Variants in INTS12 observed in about 807,000 individuals in gnomAD.
INTS12 encodes the protein integrator complex subunit 12, also known as PHD finger protein 22.
INTS12 carries 13 observed loss-of-function variants against 41.6 expected under a neutral mutation model. That is an observed-to-expected ratio of 0.31 (90% CI 0.20 to 0.50). The LOEUF (loss-of-function observed/expected upper bound fraction) is 0.50. INTS12 is among the 20% of genes least tolerant of loss of function. INTS12 has a pLI of 0.98. For missense variants in INTS12, 432 were observed against 541.6 expected, an observed-to-expected ratio of 0.80 and a Z score of 2.01; for synonymous variants, 199 against 191.4, an observed-to-expected ratio of 1.04 and a Z score of -0.33.
chr4:105,693,454 A>C lies in INTS12; in HGVS notation c.342T>G (p.Ile114Met). 1.9e-6 allele frequency: 3 copies of C among 1,613,490 alleles called. No homozygotes were observed. Among genetic ancestry groups the C allele is most frequent in the Non-Finnish European group, 2.5e-6 (3 of 1,179,516 alleles). Reference sequence around the variant, plus strand: ...GTTTCTCCAATCTAGGTTTCTTTGGAATATCAACTCCTTCAGTGATGTCTG... The same window carrying C: ...GTTTCTCCAATCTAGGTTTCTTTGGCATATCAACTCCTTCAGTGATGTCTG... ...MKSDITEGVDIPKKPRLEKPE... is the reference protein window; with the variant it reads ...MKSDITEGVDMPKKPRLEKPE... The change falls in exon 5 of 8, where the codon ATT becomes ATG. Residue 114 changes from isoleucine to methionine, a missense_variant. This residue lies in a region of INTS12 where 168 missense variants were observed against 198.9 expected (regional missense o/e 0.84). Coordinates refer to ENST00000340139, the MANE Select transcript of INTS12 (RefSeq NM_020395.4).
Position 105,695,383 on chromosome 4 carries a change from T to C in INTS12, c.309+133A>G, listed in dbSNP as rs143350013. ...GTCAAAATCTATAGCTATCAATATA[T>C]ATTCACTGAGTGTTGATTATTATAT... is the stretch of plus-strand genomic sequence containing the variant. On this transcript the variant is annotated intron_variant, in intron 4 of 7. Coordinates refer to ENST00000340139, the MANE Select transcript of INTS12 (RefSeq NM_020395.4). 2.0e-4 allele frequency: 125 copies of C among 611,118 alleles called. No homozygotes were observed. In the African/African-American group the frequency reaches 2.4e-3, roughly 12 times the overall value. The allele number at this position is 611,118 out of a possible 1,614,324, so 37.9% of individuals were successfully genotyped here.
In INTS12 at chr4:105,699,870, T is replaced by G; in HGVS notation, c.136A>C (p.Ser46Arg). The G allele has an allele frequency of 2.0e-6, 3 of 1,538,184 alleles. No individual in the cohort carries two copies. In the African/African-American group the frequency reaches 4.1e-5, roughly 21 times the overall value. The change falls in exon 3 of 8, where the codon AGT (serine) becomes CGT (arginine). Residue 46 changes from serine (S) to arginine (R), a missense_variant. By Grantham distance (110) the Ser-to-Arg change is moderately radical. Transcript: ENST00000340139. ...AGTACCTTTTGAGATGGACGGTAAC[T>G]GGAATCAATGCCCCGAGCCAAAGAT... is the stretch of plus-strand genomic sequence containing the variant. ...DESLARGIDSSYRPSQKDVEP... is the reference protein window; with the variant it reads ...DESLARGIDSRYRPSQKDVEP...
At chr4:105,703,057 C>T in intron 2 of INTS12, 1 of 978,216 alleles carries the variant, frequency 1.0e-6, no homozygotes, top group Non-Finnish European at 1.2e-6. Context: ...TGGAGTTACA[C>T]CAAATCATGT....
chr4:105,699,579 G>C (rs1365177595), intron 3 of INTS12, among the ~76,000 whole-genome samples: 1 of 151,994 alleles, frequency 6.6e-6, no homozygotes, highest in Non-Finnish European at 1.5e-5. Context: ...TGATCACAAA[G>C]AATCGGAAAT....
intron 2 of INTS12, among the ~76,000 whole-genome samples, chr4:105,701,288 C>A (rs1732064063): frequency 1.4e-5 from 2 of 144,342 alleles, no homozygotes; most frequent in African/African-American, 2.6e-5. Flanking sequence ...TACCTGATAA[C>A]TACAAAATTA....
chr4:105,694,034 A>G (rs1731776540), intron 4 of INTS12, among the ~76,000 whole-genome samples: 1 of 152,196 alleles, frequency 6.6e-6, no homozygotes, highest in Admixed American at 6.5e-5. Flanking sequence ...ATATTCACTT[A>G]TAGGTATACA....
At chr4:105,692,436 A>T (rs1317177993) in intron 5 of INTS12, among the ~76,000 whole-genome samples, 2 of 148,618 alleles carry the variant, frequency 1.3e-5, no homozygotes, top group Admixed American at 1.4e-4. Flanking sequence ...GTGAGCCAAG[A>T]TCATGCCACT....
intron 1 of INTS12, among the ~76,000 whole-genome samples, chr4:105,704,995 T>C (rs961059928): frequency 1.3e-5 from 2 of 152,210 alleles, no homozygotes; most frequent in African/African-American, 4.8e-5. Context: ...TATCACTCAC[T>C]TGCTTAAAAT....
intron 2 of INTS12, among the ~76,000 whole-genome samples, chr4:105,702,286 C>T (rs1258738459): frequency 6.6e-6 from 1 of 151,664 alleles, no homozygotes; most frequent in Non-Finnish European, 1.5e-5. Flanking sequence ...CAGGCGCCCG[C>T]CACCACACCC....
At chr4:105,693,276 A>C in intron 5 of INTS12, 23 bp downstream of exon 5, 1 of 1,550,234 alleles carries the variant, frequency 6.5e-7, no homozygotes, top group Non-Finnish European at 8.8e-7. Context: ...TAACAAAAGA[A>C]TCTGTGGCAA....
At chr4:105,707,196 C>T (rs1230954273) in intron 1 of INTS12, among the ~76,000 whole-genome samples, 12 of 152,130 alleles carry the variant, frequency 7.9e-5, no homozygotes, top group Admixed American at 7.9e-4. Context: ...AAATACTTCT[C>T]ATGAAGATTT....
chr4:105,691,882 T>C, intron 6 of INTS12, 94 bp downstream of exon 6: 1 of 898,430 alleles, frequency 1.1e-6, no homozygotes, highest in Non-Finnish European at 1.6e-6. Flanking sequence ...ATTTATTTTT[T>C]CAATATCTTA....
chr4:105,700,077 A>G (rs893580013), intron 2 of INTS12, 63 bp from the exon 3 acceptor site: 3 of 1,194,220 alleles, frequency 2.5e-6, no homozygotes, highest in Non-Finnish European at 3.4e-6. Context: ...TTAAAGTTTT[A>G]CTTTTCTGTT....
intron 1 of INTS12, among the ~76,000 whole-genome samples, chr4:105,704,415 C>T (rs891245831): frequency 1.3e-5 from 2 of 152,200 alleles, no homozygotes; most frequent in African/African-American, 4.8e-5. Context: ...CACGTCAGAA[C>T]TTAGAAATAC....
intron 1 of INTS12, chr4:105,705,851 T>C (rs1004647711): frequency 3.3e-5 from 5 of 152,216 alleles, no homozygotes; most frequent in African/African-American, 4.8e-5. Context: ...CACTGTTAAT[T>C]ATGTAAATAA....
At chr4:105,697,678 T>C (rs1374290407) in intron 3 of INTS12, among the ~76,000 whole-genome samples, 1 of 152,196 alleles carries the variant, frequency 6.6e-6, no homozygotes, top group African/African-American at 2.4e-5. Context: ...ACTATTTGGC[T>C]CTTTATAAAG....
intron 2 of INTS12, among the ~76,000 whole-genome samples, chr4:105,700,869 A>G (rs1732046959): frequency 6.6e-6 from 1 of 152,126 alleles, no homozygotes; most frequent in Non-Finnish European, 1.5e-5. Flanking sequence ...TACCAATGCT[A>G]TCATGTGGTT....
In INTS12 at chr4:105,695,577, T is replaced by C. The variant is rs776047943; in HGVS notation, c.248A>G (p.Asn83Ser). ...CTTTTCAGTTGTGAGGACCTTGCCA[T>C]TATTATTACCAGAAGGAAGACTGGA... ...ISSSLPSGNN[N>S]GKVLTTEKVK... is the part of the protein sequence containing the mutation. Residue 83 changes from asparagine (N) to serine (S), a missense_variant, in exon 4 of 8, where the codon AAT becomes AGT. Coordinates refer to ENST00000340139, the MANE Select transcript of INTS12 (RefSeq NM_020395.4). The C allele has an allele frequency of 2.5e-6, 4 of 1,613,034 alleles. No homozygotes were observed. The highest frequency in any genetic ancestry group is 3.4e-6 in the Non-Finnish European group (4 of 1,179,504).
chr4:105,707,519 G>A (rs1732329838), intron 1 of INTS12, among the ~76,000 whole-genome samples: 1 of 151,696 alleles, frequency 6.6e-6, no homozygotes, highest in African/African-American at 2.4e-5. Context: ...CATTTCCAAG[G>A]TCCCTTCAGC....
Sources: gnomAD v4.1 joint callset for allele counts (sites outside exome capture counted in the v4.1 genomes callset) on GRCh38, gnomAD v4.1.1 for gene constraint, gnomAD v4.1.1 regional missense constraint, MANE v1.5 for transcripts, NCBI Gene and HGNC (gene_info 2026-07-23, HGNC 2026-07-21) for gene names.